Variants in KIAA1549 observed in about 807,000 individuals in gnomAD.
KIAA1549 encodes the protein KIAA1549, also known as UPF0606 protein KIAA1549.
KIAA1549 carries 70 observed loss-of-function variants against 156.4 expected under a neutral mutation model. The ratio of observed to expected loss-of-function variants is 0.45; its 90% confidence interval spans 0.37 to 0.55. The LOEUF is 0.55. Among genes scored for constraint, KIAA1549 ranks in the 20% least tolerant of loss-of-function variants. The probability of loss-of-function intolerance (pLI) is 0.00; values close to 1 mark genes in which losing one functional copy is unlikely to be tolerated. For synonymous variants in KIAA1549, 1,103 were observed against 1,066.4 expected, an observed-to-expected ratio of 1.03 and a Z score of -0.67; for missense variants, 2,428 against 2,540.9, an observed-to-expected ratio of 0.96 and a Z score of 0.96.
rs1385128308 is a variant in KIAA1549 at position 138,835,562 on chromosome 7, G to C, written c.*2344C>G. On this transcript the variant is annotated 3_prime_UTR_variant, in exon 20 of 20. Coordinates refer to ENST00000422774, the MANE Select transcript of KIAA1549 (RefSeq NM_001164665.2). ...TCTATGTGCAAGCCTGTATGGCCCTGAGCGGAACTGGGTGAGAAGGGGCCA... is the reference window on the plus strand; with the variant it reads ...TCTATGTGCAAGCCTGTATGGCCCTCAGCGGAACTGGGTGAGAAGGGGCCA... The C allele has an allele frequency of 4.5e-6, 1 of 224,416 alleles. No individual in the cohort carries two copies. The highest frequency in any genetic ancestry group is 8.9e-6 in the Non-Finnish European group (1 of 112,668). The allele number at this position is 224,416 out of a possible 1,614,324, so 13.9% of individuals were successfully genotyped here. A position where few individuals can be genotyped will look rare whatever the true frequency, so the allele number is the denominator to read the frequency against.
intron 9 of KIAA1549, among the ~76,000 whole-genome samples, chr7:138,898,684 G>C (rs1811757263): frequency 6.6e-6 from 1 of 152,220 alleles, no homozygotes; most frequent in Non-Finnish European, 1.5e-5. Flanking sequence ...ACAGGAATGA[G>C]GGACAGATAT....
chr7:138,949,862 G>C (rs969229239), intron 1 of KIAA1549, among the ~76,000 whole-genome samples: 2 of 152,202 alleles, frequency 1.3e-5, no homozygotes, highest in South Asian at 4.1e-4. Flanking sequence ...GCAGGGGCCG[G>C]GGCAATTCAC....
rs1810357297 is a variant in KIAA1549 at position 138,855,361 on chromosome 7, C to T, written c.5248-3092G>A. On this transcript the variant is annotated intron_variant, in intron 16 of 19. Transcript: ENST00000422774. ...CAGTGAACCACATTTTACCTATCAGCTGCCATGCTGTGTTCAGCATCAGAA... is the reference window on the plus strand; with the variant it reads ...CAGTGAACCACATTTTACCTATCAGTTGCCATGCTGTGTTCAGCATCAGAA... Among the ~76,000 whole-genome samples, 3 of 152,332 alleles carry T rather than the reference C, an allele frequency of 2.0e-5. No homozygotes were observed. The South Asian group carries it at 6.2e-4, about 32-fold the overall frequency.
chr7:138,979,752 T>C (rs1814488909), intron 1 of KIAA1549, among the ~76,000 whole-genome samples: 1 of 152,222 alleles, frequency 6.6e-6, no homozygotes, highest in African/African-American at 2.4e-5. Flanking sequence ...ACTAGCTGTA[T>C]ACTGCCTAAA....
At chr7:138,891,730 G>A (rs375934466) in intron 10 of KIAA1549, among the ~76,000 whole-genome samples, 8 of 152,100 alleles carry the variant, frequency 5.3e-5, no homozygotes, top group South Asian at 2.1e-4. Context: ...ATGGTGAGGC[G>A]CATCAGGAGG....
intron 1 of KIAA1549, among the ~76,000 whole-genome samples, chr7:138,968,929 CTTTT>C: frequency 6.6e-6 from 1 of 151,014 alleles, no homozygotes; most frequent in East Asian, 1.9e-4. Flanking sequence ...CTTTAGCATC[CTTTT>C]TTTAACTTTA....
intron 1 of KIAA1549, among the ~76,000 whole-genome samples, chr7:138,943,588 G>C (rs969151949): frequency 1.3e-5 from 2 of 152,142 alleles, no homozygotes; most frequent in Admixed American, 1.3e-4. Flanking sequence ...AGTGGCTCAC[G>C]CCTGTAATCC....
At chr7:138,865,193 C>T (rs189233911) in intron 15 of KIAA1549, among the ~76,000 whole-genome samples, 4 of 152,112 alleles carry the variant, frequency 2.6e-5, no homozygotes, top group African/African-American at 7.2e-5. Flanking sequence ...TGCACCACTG[C>T]ACTCCAGCCT....
rs1749295844 is a variant in KIAA1549 at position 138,834,816 on chromosome 7, C to A, written c.*3090G>T. ...TACATTTTCACAGTGCTTTATGCTC[C>A]CTCCTCACAGGACATCTGCACACAT... is the stretch of plus-strand genomic sequence containing the variant. On this transcript the variant is annotated 3_prime_UTR_variant, in exon 20 of 20. Coordinates refer to ENST00000422774, the MANE Select transcript of KIAA1549 (RefSeq NM_001164665.2). 2 of 232,086 alleles carry A rather than the reference C, an allele frequency of 8.6e-6. No homozygotes were observed. The highest frequency in any genetic ancestry group is 6.1e-5 in the East Asian group (1 of 16,494). The allele number at this position is 232,086 out of a possible 1,614,324, so 14.4% of individuals were successfully genotyped here. A position where few individuals can be genotyped will look rare whatever the true frequency, so the allele number is the denominator to read the frequency against.
At chr7:138,928,309 T>C (rs1427738354) in intron 1 of KIAA1549, among the ~76,000 whole-genome samples, 1 of 150,012 alleles carries the variant, frequency 6.7e-6, no homozygotes, top group African/African-American at 2.5e-5. Flanking sequence ...TTTTTTCAGA[T>C]GGAGTCTCAC....
In KIAA1549 at chr7:138,917,559, T is replaced by A. The variant is rs1411476866; in HGVS notation, c.2067A>T (p.Thr689=). 14 of 1,613,886 alleles carry A rather than the reference T, an allele frequency of 8.7e-6. No individual in the cohort carries two copies. Among genetic ancestry groups the A allele is most frequent in the East Asian group, 6.7e-5 (3 of 44,878 alleles). The change falls in exon 2 of 20, where the codon ACA becomes ACT. Residue 689 remains threonine (T), a synonymous_variant. Transcript: ENST00000422774. The stretch of plus-strand genomic sequence containing the variant: ...GCTGGAGCTGCGAAAACTCAAGATT[T>A]GTGGAACTGGGAAGAGACAGCTGAG... ...QSSQLSLPSS[T]NLEFSQLQPS... is the part of the protein sequence containing the mutation.
chr7:138,973,773 T>C (rs982977448), intron 1 of KIAA1549, among the ~76,000 whole-genome samples: 4 of 152,132 alleles, frequency 2.6e-5, no homozygotes, highest in African/African-American at 9.7e-5. Flanking sequence ...GCCTCCCGAA[T>C]AGCTGAGACT....
At position 138,840,141 on chromosome 7, in the gene KIAA1549, T is replaced by C. The variant is rs377654979; in HGVS notation, c.5590A>G (p.Arg1864Gly). Residue 1864 changes from arginine (R) to glycine (G), a missense_variant, in exon 19 of 20, where the codon AGA becomes GGA. Physicochemically the swap from Arg to Gly is moderately radical, Grantham distance 125 (BLOSUM62 -2). Around this residue, in one of 5 missense-constraint regions of KIAA1549, gnomAD observed 363 missense variants for 354.0 expected, o/e 1.03. Coordinates refer to ENST00000422774, the MANE Select transcript of KIAA1549 (RefSeq NM_001164665.2). ...AAACAGGAGATACTCACGGCCTCTC[T>C]TCGCCCCGCTTCGTCCTCCCCGTAC... is the stretch of plus-strand genomic sequence containing the variant. ...PSYGEDEAGR[R>G]EATHMLGHQE... 60 of 1,551,680 alleles carry C rather than the reference T, an allele frequency of 3.9e-5. No homozygotes were observed. Among genetic ancestry groups the C allele is most frequent in the Non-Finnish European group, 4.9e-5 (56 of 1,146,990 alleles).
At chr7:138,845,581 T>G (rs566825538) in intron 17 of KIAA1549, among the ~76,000 whole-genome samples, 2 of 152,342 alleles carry the variant, frequency 1.3e-5, no homozygotes, top group East Asian at 3.9e-4. Context: ...TTTGAAGGGA[T>G]CTCTAACTCA....
At position 138,854,658 on chromosome 7, in the gene KIAA1549, G is replaced by A. The variant is rs556825765; in HGVS notation, c.5248-2389C>T. Among the ~76,000 whole-genome samples, 18 of 152,112 alleles carry A rather than the reference G, an allele frequency of 1.2e-4. No homozygotes were observed. In the East Asian group the frequency reaches 3.5e-3, roughly 29 times the overall value. On this transcript the variant is annotated intron_variant, in intron 16 of 19. Transcript: ENST00000422774. Reference sequence around the variant, plus strand: ...AACATGTTGAAATTATATTAGATATGCACAGATAAAGCCAATGATTCTGGT... The same window carrying A: ...AACATGTTGAAATTATATTAGATATACACAGATAAAGCCAATGATTCTGGT...
chr7:138,915,443 G>A (rs1383126136), intron 2 of KIAA1549, among the ~76,000 whole-genome samples: 1 of 151,946 alleles, frequency 6.6e-6, no homozygotes, highest in Non-Finnish European at 1.5e-5. Context: ...GTTTCCCTTT[G>A]GCGTGTGGGG....
intron 1 of KIAA1549, among the ~76,000 whole-genome samples, chr7:138,939,723 G>A (rs1160161212): frequency 6.6e-6 from 1 of 152,212 alleles, no homozygotes; most frequent in African/African-American, 2.4e-5. Flanking sequence ...GGCTTAAGAG[G>A]TGACAGCCCT....
At chr7:138,922,061 A>G (rs1584758993) in intron 1 of KIAA1549, among the ~76,000 whole-genome samples, 1 of 152,176 alleles carries the variant, frequency 6.6e-6, no homozygotes, top group South Asian at 2.1e-4. Context: ...GAAGGAAGCC[A>G]CCCTTGAACT....
chr7:138,831,773 G>A lies in KIAA1549; in HGVS notation c.*6133C>T, dbSNP rs941284630. 7.3e-5 allele frequency: 17 copies of A among 232,156 alleles called. No individual in the cohort carries two copies. The highest frequency in any genetic ancestry group is 3.5e-4 in the African/African-American group (16 of 45,304). The allele number at this position is 232,156 out of a possible 1,614,324, so 14.4% of individuals were successfully genotyped here. A position where few individuals can be genotyped will look rare whatever the true frequency, so the allele number is the denominator to read the frequency against. On this transcript the variant is annotated 3_prime_UTR_variant, in exon 20 of 20. Transcript: ENST00000422774. ...TGACAAAGGAGGGAGAGACAAGTCA[G>A]TACTCCAGGGCAGCTCTGCCGAGCA...
Sources: allele counts gnomAD v4.1 joint callset (sites outside exome capture counted in the v4.1 genomes callset), GRCh38; gene constraint gnomAD v4.1.1; regional missense constraint gnomAD v4.1.1; transcripts MANE v1.5; gene names NCBI Gene and HGNC (gene_info 2026-07-23, HGNC 2026-07-21).